Variants in BORCS5 observed in about 807,000 individuals in gnomAD.
BORCS5 encodes the protein BLOC-1-related complex subunit 5.
BORCS5 carries 17 observed loss-of-function variants against 22.1 expected under a neutral mutation model. The observed-to-expected ratio is 0.77, with a 90% CI of 0.53 to 1.15. The LOEUF (loss-of-function observed/expected upper bound fraction) is 1.15. Among genes scored for constraint, BORCS5 ranks in the 50% most tolerant of loss-of-function variants. The pLI is 0.00. For missense variants in BORCS5, 247 were observed against 253.2 expected (o/e 0.98, Z 0.17); for synonymous variants, 117 against 99.8 (o/e 1.17, Z -1.03).
chr12:12,461,496 A>G (rs1375913063), intron 3 of BORCS5, among the ~76,000 whole-genome samples: 1 of 152,042 alleles, frequency 6.6e-6, no homozygotes, highest in Non-Finnish European at 1.5e-5. Context: ...TCAGTATAAG[A>G]TTATATTAAC....
At chr12:12,420,549 A>AACTTTCAAGT (rs1466964457) in intron 2 of BORCS5, among the ~76,000 whole-genome samples, 1 of 152,178 alleles carries the variant, frequency 6.6e-6, no homozygotes, top group African/African-American at 2.4e-5. Context: ...GTTCCATATG[A>AACTTTCAAGT]ACTTTCAAGT....
chr12:12,394,341 A>T (rs1043963953), intron 2 of BORCS5, among the ~76,000 whole-genome samples: 1 of 151,922 alleles, frequency 6.6e-6, no homozygotes, highest in Non-Finnish European at 1.5e-5. Context: ...ACAAACAAAC[A>T]AAAGACAAAC....
chr12:12,461,049 T>A (rs1371358127), intron 3 of BORCS5, among the ~76,000 whole-genome samples: 1 of 152,212 alleles, frequency 6.6e-6, no homozygotes, highest in African/African-American at 2.4e-5. Flanking sequence ...CTTTTTCACT[T>A]GTCCTTTGAA....
chr12:12,386,887 G>A (rs192653514), intron 2 of BORCS5, among the ~76,000 whole-genome samples: 2 of 150,882 alleles, frequency 1.3e-5, no homozygotes, highest in Non-Finnish European at 1.5e-5. Context: ...TTATTTTTAT[G>A]TATGAATATA....
chr12:12,425,013 T>A (rs535561534), intron 2 of BORCS5, among the ~76,000 whole-genome samples: 12 of 152,174 alleles, frequency 7.9e-5, no homozygotes, highest in Non-Finnish European at 1.5e-4. Context: ...CAACAGTGAT[T>A]ACCGTCTGTG....
chr12:12,415,123 C>A (rs1392757647), intron 2 of BORCS5, among the ~76,000 whole-genome samples: 2 of 150,462 alleles, frequency 1.3e-5, no homozygotes, highest in Admixed American at 1.4e-4. Context: ...CAGGCAGAGA[C>A]GCTCCTCACT....
In BORCS5 at chr12:12,431,539, A is replaced by C. The variant is rs1458863101; in HGVS notation, c.203-4089A>C. ...GCCTCAGCCTCCTGAGTAGCTGGGA[A>C]TACAGGTGCCTGCCACCATGCCCAA... On this transcript the variant is annotated intron_variant, in intron 2 of 3. Transcript: ENST00000314565. Among the ~76,000 whole-genome samples, 5 of 150,886 alleles carry C rather than the reference A, an allele frequency of 3.3e-5. No homozygotes were observed. The East Asian group carries it at 7.8e-4, about 24-fold the overall frequency.
intron 3 of BORCS5, among the ~76,000 whole-genome samples, chr12:12,443,609 G>A (rs1174016303): frequency 6.6e-6 from 1 of 152,248 alleles, no homozygotes; most frequent in Non-Finnish European, 1.5e-5. Flanking sequence ...AATCCTGGAA[G>A]AGGGCCGAAT....
chr12:12,425,487 T>C (rs1234711758), intron 2 of BORCS5, among the ~76,000 whole-genome samples: 3 of 152,214 alleles, frequency 2.0e-5, no homozygotes, highest in Non-Finnish European at 4.4e-5. Context: ...TCCAAGGATA[T>C]GGAGAACATC....
At chr12:12,455,124 C>T (rs1434612425) in intron 3 of BORCS5, among the ~76,000 whole-genome samples, 1 of 152,200 alleles carries the variant, frequency 6.6e-6, no homozygotes, top group Non-Finnish European at 1.5e-5. Flanking sequence ...GCCTCTTTAG[C>T]TACAAAGTAC....
intron 3 of BORCS5, among the ~76,000 whole-genome samples, chr12:12,457,653 C>A (rs2136154876): frequency 6.6e-6 from 1 of 152,280 alleles, no homozygotes. Flanking sequence ...GAAGCTCTCT[C>A]CCCTCCCCAC....
chr12:12,442,167 T>C (rs1279648645), intron 3 of BORCS5, among the ~76,000 whole-genome samples: 1 of 151,142 alleles, frequency 6.6e-6, no homozygotes, highest in Non-Finnish European at 1.5e-5. Flanking sequence ...TTGGAGCTTC[T>C]CTTGTCACTT....
intron 2 of BORCS5, among the ~76,000 whole-genome samples, chr12:12,416,608 A>G (rs541226554): frequency 3.6e-4 from 54 of 151,628 alleles, no homozygotes; most frequent in African/African-American, 1.2e-3. Context: ...ATGCCTGGCT[A>G]ATTTTTAATT....
chr12:12,458,381 T>C (rs2136155993), intron 3 of BORCS5, among the ~76,000 whole-genome samples: 1 of 152,256 alleles, frequency 6.6e-6, no homozygotes, highest in South Asian at 2.1e-4. Flanking sequence ...CAATCCCAAA[T>C]TTTGGATTTT....
intron 2 of BORCS5, among the ~76,000 whole-genome samples, chr12:12,416,404 A>G (rs932485598): frequency 2.0e-5 from 3 of 151,740 alleles, no homozygotes; most frequent in Non-Finnish European, 4.4e-5. Flanking sequence ...CTTAAGTTGT[A>G]AAGTTAGATT....
Position 12,462,500 on chromosome 12 carries a change from T to C in BORCS5, c.361-3046T>C, listed in dbSNP as rs1394443180. The stretch of plus-strand genomic sequence containing the variant: ...CCTTAAACCTAGGTGGTCTGACTCC[T>C]GAACTTGCAATCTTAACCGTTGTTT... On this transcript the variant is annotated intron_variant, in intron 3 of 3. Transcript: ENST00000314565. Among the ~76,000 whole-genome samples, 11 of 152,320 alleles carry C rather than the reference T, an allele frequency of 7.2e-5. No homozygotes were observed. The South Asian group carries it at 2.3e-3, about 32-fold the overall frequency.
chr12:12,465,498 A>T, intron 3 of BORCS5, 48 bp from the exon 4 acceptor site: 1 of 1,540,400 alleles, frequency 6.5e-7, no homozygotes, highest in East Asian at 2.3e-5. Flanking sequence ...CCCTGCGGAG[A>T]GGACTTGATT....
Position 12,357,526 on chromosome 12 carries a change from C to A in BORCS5, c.58+17C>A. 3 of 1,601,286 alleles carry A rather than the reference C, an allele frequency of 1.9e-6. No homozygotes were observed. Among genetic ancestry groups the A allele is most frequent in the Non-Finnish European group, 2.6e-6 (3 of 1,169,978 alleles). On this transcript the variant is annotated intron_variant, in intron 1 of 3. Coordinates refer to ENST00000314565, the MANE Select transcript of BORCS5 (RefSeq NM_058169.6). ...ACTCCTCAGGTCGGTGTCCTAACCT[C>A]CCACCCTCCTCCAGCCCGCCCTGTC...
intron 2 of BORCS5, among the ~76,000 whole-genome samples, chr12:12,415,967 A>T (rs991244336): frequency 6.6e-6 from 1 of 152,118 alleles, no homozygotes; most frequent in Non-Finnish European, 1.5e-5. Flanking sequence ...GCTTTTCTTT[A>T]TCAGGAGATT....
Sources: gnomAD v4.1 joint callset for allele counts (sites outside exome capture counted in the v4.1 genomes callset) on GRCh38, gnomAD v4.1.1 for gene constraint, MANE v1.5 for transcripts, NCBI Gene and HGNC (gene_info 2026-07-23, HGNC 2026-07-21) for gene names.